FRMPD4: variants seen among roughly 807,000 people sequenced by gnomAD.
FRMPD4 encodes the protein FERM and PDZ domain-containing protein 4.
A neutral mutation model predicts 94.1 loss-of-function variants in FRMPD4; 22 were observed. The observed-to-expected ratio is 0.23, with a 90% CI of 0.17 to 0.33. FRMPD4 has a LOEUF of 0.33. Among genes scored for constraint, FRMPD4 ranks in the 10% least tolerant of loss-of-function variants. FRMPD4 has a pLI of 1.00. For synonymous variants in FRMPD4, 631 were observed against 548.6 expected (o/e 1.15, Z -2.10); for missense variants, 1,111 against 1,339.9 (o/e 0.83, Z 2.67).
intron 3 of FRMPD4, among the ~76,000 whole-genome samples, chrX:11,907,193 G>A (rs1389854327): frequency 9.3e-6 from 1 of 107,767 alleles, no homozygotes; most frequent in Non-Finnish European, 1.9e-5. Context: ...CTTAAACATG[G>A]TTTCCCTTAA....
intron 2 of FRMPD4, among the ~76,000 whole-genome samples, chrX:12,547,719 AT>A (rs2058493333): frequency 8.9e-6 from 1 of 112,434 alleles, no homozygotes; most frequent in Admixed American, 9.4e-5. Context: ...AACATGAGTA[AT>A]TTTTTTCATC....
chrX:11,900,261 G>T (rs1409423011), intron 3 of FRMPD4, among the ~76,000 whole-genome samples: 1 of 110,918 alleles, frequency 9.0e-6, no homozygotes, highest in Admixed American at 9.6e-5. Flanking sequence ...GTACCTGGTA[G>T]GGCAAGAGAG....
intron 3 of FRMPD4, among the ~76,000 whole-genome samples, chrX:11,951,021 T>A (rs1450320732): frequency 1.2e-5 from 1 of 85,480 alleles, no homozygotes; most frequent in African/African-American, 4.7e-5. Flanking sequence ...ATTGCGTCAT[T>A]ACACTCCAGC....
chrX:12,722,297 T>C lies in FRMPD4; in HGVS notation c.*439T>C, dbSNP rs750050137. 8 of 112,314 alleles carry C rather than the reference T, an allele frequency of 7.1e-5. No individual in the cohort carries two copies. In the South Asian group the frequency reaches 2.2e-3, roughly 31 times the overall value. The allele number at this position is 112,314 out of a possible 1,213,427, so 9.3% of individuals were successfully genotyped here. A position where few individuals can be genotyped will look rare whatever the true frequency, so the allele number is the denominator to read the frequency against. ...CACAATGTATATAAAACAGTACTTA[T>C]GTTTTAAAATTATGATTTTTAAGCA... On this transcript the variant is annotated 3_prime_UTR_variant, in exon 17 of 17. Coordinates refer to ENST00000675598, the MANE Select transcript of FRMPD4 (RefSeq NM_001368397.1).
intron 4 of FRMPD4, among the ~76,000 whole-genome samples, chrX:12,672,132 A>G (rs1278552638): frequency 1.8e-5 from 2 of 112,097 alleles, no homozygotes; most frequent in East Asian, 2.8e-4. Flanking sequence ...TGGTGAGGTA[A>G]AAGGCAAGAA....
chrX:12,117,437 T>G (rs1413901339), intron 3 of FRMPD4, among the ~76,000 whole-genome samples: 1 of 111,120 alleles, frequency 9.0e-6, no homozygotes, highest in Non-Finnish European at 1.9e-5. Context: ...CCTTTTCTTC[T>G]CTGCCGCCAC....
chrX:11,916,365 C>G (rs2054024662), intron 3 of FRMPD4, among the ~76,000 whole-genome samples: 1 of 110,752 alleles, frequency 9.0e-6, no homozygotes, highest in African/African-American at 3.3e-5. Flanking sequence ...TCTGACATGA[C>G]CATATCAAAG....
In FRMPD4 at chrX:12,505,853, G is replaced by T. The variant is rs752624294; in HGVS notation, c.158+7057G>T. On this transcript the variant is annotated intron_variant, in intron 2 of 16. Transcript: ENST00000675598. The stretch of plus-strand genomic sequence containing the variant: ...GTTCCTGCCAAGCCCTTATCCTGTA[G>T]TTCCTCTCAAAGCTTGAATAAAGCC... 5.4e-5 allele frequency among the ~76,000 whole-genome samples: 6 copies of T among 111,219 alleles called. No individual in the cohort carries two copies. In the East Asian group the frequency reaches 1.7e-3, roughly 31 times the overall value.
intron 3 of FRMPD4, among the ~76,000 whole-genome samples, chrX:11,887,468 A>G (rs2053852362): frequency 8.9e-6 from 1 of 112,104 alleles, no homozygotes; most frequent in Non-Finnish European, 1.9e-5. Context: ...GTATGAACCT[A>G]TAAAACTTCC....
intron 1 of FRMPD4, among the ~76,000 whole-genome samples, chrX:11,847,409 T>G (rs767645710): frequency 1.9e-5 from 2 of 104,645 alleles, no homozygotes; most frequent in Admixed American, 1.0e-4. Context: ...TGTGGAGAAA[T>G]AGGAACACTT....
intron 10 of FRMPD4, among the ~76,000 whole-genome samples, chrX:12,703,498 G>A (rs2041823907): frequency 9.0e-6 from 1 of 111,539 alleles, no homozygotes; most frequent in Non-Finnish European, 1.9e-5. Context: ...CTTCTTTGGA[G>A]AGGACCTAGA....
At chrX:12,419,197 C>G (rs1380563011) in intron 1 of FRMPD4, among the ~76,000 whole-genome samples, 1 of 111,445 alleles carries the variant, frequency 9.0e-6, no homozygotes, top group Non-Finnish European at 1.9e-5. Flanking sequence ...TACTCATATC[C>G]ACATACTACA....
At chrX:12,462,026 C>T (rs1252016121) in intron 1 of FRMPD4, among the ~76,000 whole-genome samples, 2 of 111,733 alleles carry the variant, frequency 1.8e-5, no homozygotes, top group African/African-American at 6.5e-5. Context: ...GCTGCCTTCA[C>T]TTTAGGTATC....
intron 2 of FRMPD4, among the ~76,000 whole-genome samples, chrX:12,553,466 A>ATATATC (rs368999462): frequency 3.3e-4 from 26 of 78,013 alleles, no homozygotes; most frequent in Admixed American, 1.3e-3. Flanking sequence ...ATATATATAT[A>ATATATC]TCTAATCCAC....
chrX:12,628,059 A>C (rs16986991), intron 4 of FRMPD4, among the ~76,000 whole-genome samples: 2,675 of 111,341 alleles, frequency 0.024, 87 homozygotes, highest in African/African-American at 0.083. Context: ...TATTGCCTAG[A>C]GAGAACGGAG....
intron 3 of FRMPD4, among the ~76,000 whole-genome samples, chrX:12,011,776 A>G (rs966316818): frequency 2.6e-4 from 29 of 112,174 alleles, no homozygotes; most frequent in Non-Finnish European, 4.7e-4. Context: ...AAAATGCTAC[A>G]TAAATATAAG....
intron 1 of FRMPD4, among the ~76,000 whole-genome samples, chrX:12,220,049 GAGA>G (rs2056847230): frequency 8.9e-6 from 1 of 111,947 alleles, no homozygotes; most frequent in Non-Finnish European, 1.9e-5. Context: ...GCTGAGGCAG[GAGA>G]ATTGTTTGAA....
At chrX:12,249,647 T>C (rs2054005709) in intron 1 of FRMPD4, among the ~76,000 whole-genome samples, 1 of 111,545 alleles carries the variant, frequency 9.0e-6, no homozygotes, top group African/African-American at 3.3e-5. Flanking sequence ...AGAGGACCTC[T>C]AAGAAAAGCG....
chrX:12,379,642 C>CGTGTGTGT (rs55742933), intron 1 of FRMPD4, among the ~76,000 whole-genome samples: 3,347 of 89,909 alleles, frequency 0.037, 64 homozygotes, highest in African/African-American at 0.051. Context: ...GATATGCTGC[C>CGTGTGTGT]GTGTGTGTGT....
Sources: allele counts gnomAD v4.1 joint callset (sites outside exome capture counted in the v4.1 genomes callset), GRCh38; gene constraint gnomAD v4.1.1; transcripts MANE v1.5; gene names NCBI Gene and HGNC (gene_info 2026-07-23, HGNC 2026-07-21).